RANBP2: variants seen among roughly 807,000 people sequenced by gnomAD.
The protein encoded by RANBP2 is RAN binding protein 2.
Under a neutral mutation model 303.6 loss-of-function variants are expected in RANBP2, and 57 were observed. The observed-to-expected ratio is 0.19, with a 90% CI of 0.15 to 0.23. The LOEUF is 0.23. Ranked by LOEUF, RANBP2 falls within the 10% of genes least tolerant of loss-of-function variation. The pLI is 1.00. For missense variants in RANBP2, 3,138 were observed against 3,780.8 expected, an observed-to-expected ratio of 0.83 and a Z score of 4.46; for synonymous variants, 1,167 against 1,301.5, an observed-to-expected ratio of 0.90 and a Z score of 2.23.
chr2:109,740,009 A>T, the RANBP2 span, among the ~76,000 whole-genome samples: 1 of 148,024 alleles, frequency 6.8e-6, no homozygotes, highest in Non-Finnish European at 1.5e-5. Context: ...TTATTTTGAG[A>T]TGGAGTCTCA....
At chr2:109,131,780 C>T in the RANBP2 span, among the ~76,000 whole-genome samples, 1 of 152,156 alleles carries the variant, frequency 6.6e-6, no homozygotes, top group East Asian at 1.9e-4. Flanking sequence ...TATGTTGAGA[C>T]CCTTGGTTGA....
the RANBP2 span, among the ~76,000 whole-genome samples, chr2:109,053,581 A>G: frequency 8.1e-4 from 124 of 152,204 alleles, no homozygotes; most frequent in African/African-American, 2.8e-3. Flanking sequence ...GCCTTGGGAG[A>G]CTGGAGACTG....
chr2:108,720,034 C>G (rs1694104941), intron 1 of RANBP2: 1 of 985,272 alleles, frequency 1.0e-6, no homozygotes, highest in Non-Finnish European at 1.2e-6. Flanking sequence ...CACCCGGGTG[C>G]TGTATCGGCG....
the RANBP2 span, chr2:109,502,250 T>G: frequency 1.3e-5 from 2 of 152,220 alleles, no homozygotes; most frequent in Non-Finnish European, 2.9e-5. Context: ...GCAGAATCTG[T>G]GGGCTTGTCG....
At chr2:108,980,820 C>T in the RANBP2 span, among the ~76,000 whole-genome samples, 1 of 152,146 alleles carries the variant, frequency 6.6e-6, no homozygotes, top group Non-Finnish European at 1.5e-5. Context: ...AGGTGGCCAA[C>T]CTGGCACCAT....
chr2:109,051,039 C>T, the RANBP2 span, among the ~76,000 whole-genome samples: 50 of 152,256 alleles, frequency 3.3e-4, 1 homozygote, highest in African/African-American at 1.1e-3. Context: ...CTCTCCAGTG[C>T]CCACACTGTT....
At chr2:108,875,375 G>A in the RANBP2 span, among the ~76,000 whole-genome samples, 1 of 150,362 alleles carries the variant, frequency 6.7e-6, no homozygotes, top group Admixed American at 6.6e-5. Context: ...ATTACTGACA[G>A]GTTATTAGAA....
the RANBP2 span, among the ~76,000 whole-genome samples, chr2:109,111,363 A>G: frequency 1.3e-5 from 2 of 152,204 alleles, no homozygotes; most frequent in Non-Finnish European, 2.9e-5. Context: ...TTATACACCC[A>G]TTGCACTACT....
chr2:109,705,067 C>T, the RANBP2 span, among the ~76,000 whole-genome samples: 2 of 132,850 alleles, frequency 1.5e-5, no homozygotes, highest in Non-Finnish European at 3.1e-5. Flanking sequence ...GGGCAAGACT[C>T]CCTCTCAAAA....
the RANBP2 span, among the ~76,000 whole-genome samples, chr2:109,065,611 G>A: frequency 2.0e-5 from 3 of 152,296 alleles, no homozygotes; most frequent in South Asian, 4.1e-4. Context: ...GAAAGGAGGC[G>A]GTCCAGTGGA....
the RANBP2 span, among the ~76,000 whole-genome samples, chr2:109,424,492 T>C: frequency 6.6e-6 from 1 of 152,096 alleles, no homozygotes; most frequent in Non-Finnish European, 1.5e-5. Flanking sequence ...TTTTTACAAA[T>C]TGAAGCTTCG....
the RANBP2 span, among the ~76,000 whole-genome samples, chr2:109,051,464 C>A: frequency 5.9e-5 from 9 of 152,298 alleles, no homozygotes; most frequent in African/African-American, 2.2e-4. Flanking sequence ...GGCTTCAAAC[C>A]CCATACTCAC....
the RANBP2 span, among the ~76,000 whole-genome samples, chr2:108,842,562 T>C: frequency 6.6e-6 from 1 of 151,966 alleles, no homozygotes; most frequent in African/African-American, 2.4e-5. Flanking sequence ...TTCTAGGAGG[T>C]AGTCACTGTG....
At chr2:109,069,310 C>T in the RANBP2 span, among the ~76,000 whole-genome samples, 8 of 152,178 alleles carry the variant, frequency 5.3e-5, no homozygotes, top group Non-Finnish European at 1.2e-4. Context: ...TTGATTTGGA[C>T]ACATGGAATT....
At chr2:109,246,751 GT>G in the RANBP2 span, among the ~76,000 whole-genome samples, 198 of 152,352 alleles carry the variant, frequency 1.3e-3, no homozygotes, top group African/African-American at 4.2e-3. Context: ...GGATGCCGGG[GT>G]GGAGATGATA....
At chr2:109,457,446 A>G in the RANBP2 span, among the ~76,000 whole-genome samples, 1 of 152,220 alleles carries the variant, frequency 6.6e-6, no homozygotes, top group South Asian at 2.1e-4. Context: ...AATGAAAAGG[A>G]TTTGTAAGTC....
chr2:109,685,795 G>A, the RANBP2 span, among the ~76,000 whole-genome samples: 1 of 152,170 alleles, frequency 6.6e-6, no homozygotes, highest in East Asian at 1.9e-4. Context: ...GGAGGAAATG[G>A]TTCAGATTCA....
the RANBP2 span, among the ~76,000 whole-genome samples, chr2:109,394,439 G>A: frequency 6.6e-6 from 1 of 152,148 alleles, no homozygotes; most frequent in Non-Finnish European, 1.5e-5. Context: ...ACTAGGGGGT[G>A]GCCCCTGCAG....
chr2:108,771,566 A>G, intron 20 of RANBP2, 135 bp from the exon 21 acceptor site: 4 of 1,422,214 alleles, frequency 2.8e-6, no homozygotes, highest in South Asian at 1.4e-5. Context: ...ACATCTCTGC[A>G]TCAAAGTATA....
Sources: allele counts gnomAD v4.1 joint callset (sites outside exome capture counted in the v4.1 genomes callset), GRCh38; gene constraint gnomAD v4.1.1; transcripts MANE v1.5; gene names NCBI Gene and HGNC (gene_info 2026-07-23, HGNC 2026-07-21).